Variants in HIVEP1 observed in about 807,000 individuals in gnomAD.
HIVEP1 encodes HIVEP zinc finger 1.
HIVEP1 carries 36 observed loss-of-function variants against 180.0 expected under a neutral mutation model. That is an observed-to-expected ratio of 0.20 (90% CI 0.15 to 0.26). HIVEP1 has a LOEUF of 0.26. HIVEP1 is among the 10% of genes least tolerant of loss of function. HIVEP1 has a pLI of 1.00. For missense variants in HIVEP1, 3,143 were observed against 3,268.7 expected (o/e 0.96, Z 0.94); for synonymous variants, 1,239 against 1,239.0 (o/e 1.00, Z 0.00).
the HIVEP1 span, among the ~76,000 whole-genome samples, chr6:12,191,250 T>C: frequency 6.6e-6 from 1 of 152,226 alleles, no homozygotes; most frequent in Non-Finnish European, 1.5e-5. Flanking sequence ...TGTTACTTTG[T>C]CTACATTGAT....
chr6:12,125,980 T>G, intron 4 of HIVEP1, 110 bp downstream of exon 4: 1 of 674,166 alleles, frequency 1.5e-6, no homozygotes, highest in Non-Finnish European at 2.5e-6. Flanking sequence ...GAGTGACAAA[T>G]TGTGCTGTAA....
intron 2 of HIVEP1, among the ~76,000 whole-genome samples, chr6:12,045,251 C>A (rs531092508): frequency 6.6e-6 from 1 of 152,300 alleles, no homozygotes; most frequent in East Asian, 1.9e-4. Flanking sequence ...AGAGAAGCAG[C>A]TCATCACCTG....
Position 12,030,316 on chromosome 6 carries a change from A to T in HIVEP1, c.40+14648A>T, listed in dbSNP as rs1052049770. Among the ~76,000 whole-genome samples, 5 of 152,220 alleles carry T rather than the reference A, an allele frequency of 3.3e-5. No homozygotes were observed. The East Asian group carries it at 9.7e-4, about 29-fold the overall frequency. On this transcript the variant is annotated intron_variant, in intron 2 of 8. Coordinates refer to ENST00000379388, the MANE Select transcript of HIVEP1 (RefSeq NM_002114.4). ...ATTTTATTGAACTTCTTGGATATGTAGATCAGTATTTTTGTTTTATCAAAT... is the reference window on the plus strand; with the variant it reads ...ATTTTATTGAACTTCTTGGATATGTTGATCAGTATTTTTGTTTTATCAAAT...
chr6:12,109,097 A>G (rs1774705453), intron 3 of HIVEP1, among the ~76,000 whole-genome samples: 1 of 152,168 alleles, frequency 6.6e-6, no homozygotes, highest in African/African-American at 2.4e-5. Flanking sequence ...CTCCTGCCTC[A>G]GCCTCCCGAG....
At chr6:12,033,892 C>T (rs181927163) in intron 2 of HIVEP1, among the ~76,000 whole-genome samples, 255 of 152,234 alleles carry the variant, frequency 1.7e-3, no homozygotes, top group Middle Eastern at 3.4e-3. Flanking sequence ...GTTTAAATTT[C>T]GCAACATAGG....
intron 3 of HIVEP1, among the ~76,000 whole-genome samples, chr6:12,109,785 C>CT: frequency 6.6e-6 from 1 of 152,332 alleles, no homozygotes; most frequent in South Asian, 2.1e-4. Context: ...ATCATGAATG[C>CT]TTTTAATGGC....
intron 7 of HIVEP1, among the ~76,000 whole-genome samples, chr6:12,152,237 A>G (rs1411368971): frequency 1.3e-5 from 2 of 152,226 alleles, no homozygotes; most frequent in African/African-American, 4.8e-5. Context: ...ATTAAGTAAC[A>G]TGCAGTAGCA....
intron 7 of HIVEP1, among the ~76,000 whole-genome samples, chr6:12,136,992 T>G (rs1276951089): frequency 2.6e-5 from 4 of 152,202 alleles, no homozygotes; most frequent in Non-Finnish European, 5.9e-5. Context: ...TAGAGAAAAT[T>G]TCCAAAGAGA....
chr6:12,041,695 G>A (rs988985628), intron 2 of HIVEP1, among the ~76,000 whole-genome samples: 4 of 151,922 alleles, frequency 2.6e-5, no homozygotes, highest in Admixed American at 1.3e-4. Context: ...ACAGAGTCTC[G>A]CTCTCTCGCC....
At chr6:12,012,246 C>T (rs1301986193), upstream of HIVEP1, 4 of 143,178 alleles carry the variant, frequency 2.8e-5, no homozygotes, top group South Asian at 2.1e-4. Context: ...CCGCGCGCCC[C>T]GCGCTCCCCC....
chr6:12,151,524 GT>G (rs1482993104), intron 7 of HIVEP1, among the ~76,000 whole-genome samples: 1 of 152,166 alleles, frequency 6.6e-6, no homozygotes, highest in African/African-American at 2.4e-5. Flanking sequence ...ATAGAAACCT[GT>G]TTTTGAATCC....
chr6:12,155,268 TC>T (rs1402536179), intron 7 of HIVEP1, among the ~76,000 whole-genome samples: 1 of 152,206 alleles, frequency 6.6e-6, no homozygotes, highest in African/African-American at 2.4e-5. Flanking sequence ...TTCTTCAACT[TC>T]TAAGTTCAGG....
At chr6:12,148,117 A>C (rs772305874) in intron 7 of HIVEP1, among the ~76,000 whole-genome samples, 1 of 152,252 alleles carries the variant, frequency 6.6e-6, no homozygotes, top group Non-Finnish European at 1.5e-5. Flanking sequence ...TATATTAGAC[A>C]TACAGTAGGA....
intron 7 of HIVEP1, among the ~76,000 whole-genome samples, chr6:12,160,991 C>G (rs905445853): frequency 1.3e-5 from 2 of 152,142 alleles, no homozygotes; most frequent in African/African-American, 4.8e-5. Flanking sequence ...TACCAACAGC[C>G]ATCAGTTTTT....
intron 2 of HIVEP1, among the ~76,000 whole-genome samples, chr6:12,017,107 A>G (rs1479218250): frequency 1.3e-5 from 2 of 152,250 alleles, no homozygotes; most frequent in Non-Finnish European, 2.9e-5. Context: ...CATATTTAAA[A>G]TATATGTTCA....
At chr6:12,151,307 T>A (rs541129962) in intron 7 of HIVEP1, among the ~76,000 whole-genome samples, 1 of 152,266 alleles carries the variant, frequency 6.6e-6, no homozygotes, top group Admixed American at 6.5e-5. Context: ...AATGAAACTT[T>A]TAGGACCATT....
intron 2 of HIVEP1, among the ~76,000 whole-genome samples, chr6:12,053,226 T>C (rs934551559): frequency 5.3e-5 from 8 of 151,512 alleles, no homozygotes; most frequent in African/African-American, 1.9e-4. Context: ...ATGCTGTTCA[T>C]GTGTGTGTGT....
At chr6:12,147,859 A>G (rs1368175144) in intron 7 of HIVEP1, among the ~76,000 whole-genome samples, 3 of 152,240 alleles carry the variant, frequency 2.0e-5, no homozygotes, top group East Asian at 3.8e-4. Flanking sequence ...TTATTAAACT[A>G]GGAAGCATTA....
chr6:12,075,722 T>G (rs1375971737), intron 2 of HIVEP1, among the ~76,000 whole-genome samples: 1 of 151,986 alleles, frequency 6.6e-6, no homozygotes, highest in Non-Finnish European at 1.5e-5. Flanking sequence ...TTGCATTTAC[T>G]ACTCTGGCTA....
Sources: gnomAD v4.1 joint callset for allele counts (sites outside exome capture counted in the v4.1 genomes callset) on GRCh38, gnomAD v4.1.1 for gene constraint, MANE v1.5 for transcripts, NCBI Gene and HGNC (gene_info 2026-07-23, HGNC 2026-07-21) for gene names.